S100A10: variants seen among roughly 807,000 people sequenced by gnomAD.
S100A10 encodes the protein S100 calcium binding protein A10, also known as protein S100-A10.
Under a neutral mutation model 7.1 loss-of-function variants are expected in S100A10, and 3 were observed. The observed-to-expected ratio is 0.42, with a 90% CI of 0.19 to 1.10. The LOEUF is 1.10. Ranked by LOEUF, S100A10 falls within the 50% of genes least tolerant of loss-of-function variation. S100A10 has a pLI of 0.29. For missense variants in S100A10, 101 were observed against 118.1 expected (o/e 0.86, Z 0.67); for synonymous variants, 41 against 39.3 (o/e 1.04, Z -0.16).
At chr1:151,987,841 T>C (rs1312582283) in intron 1 of S100A10, among the ~76,000 whole-genome samples, 1 of 152,242 alleles carries the variant, frequency 6.6e-6, no homozygotes, top group Non-Finnish European at 1.5e-5. Context: ...ATGTATTCTT[T>C]ACTAAAGCTC....
At chr1:151,990,010 T>C (rs1158111922) in intron 1 of S100A10, among the ~76,000 whole-genome samples, 2 of 152,246 alleles carry the variant, frequency 1.3e-5, no homozygotes, top group Non-Finnish European at 2.9e-5. Context: ...GATTAAGAAC[T>C]ACAAATTATT....
intron 2 of S100A10, among the ~76,000 whole-genome samples, 154 bp from the exon 3 acceptor site, chr1:151,983,478 ATTTT>A (rs200402860): frequency 8.7e-5 from 12 of 137,822 alleles, no homozygotes; most frequent in African/African-American, 3.3e-4. Context: ...ATCTAAATGT[ATTTT>A]TTTTTTTTTT....
At chr1:151,989,180 T>A (rs1655855612) in intron 1 of S100A10, among the ~76,000 whole-genome samples, 1 of 152,180 alleles carries the variant, frequency 6.6e-6, no homozygotes. Flanking sequence ...AGTATCTTCT[T>A]CAGGAGAGCA....
chr1:151,990,688 C>A (rs1035785090), intron 1 of S100A10, among the ~76,000 whole-genome samples: 11 of 152,222 alleles, frequency 7.2e-5, no homozygotes, highest in Non-Finnish European at 1.3e-4. Flanking sequence ...CACACACATA[C>A]ACACATGCAC....
intron 1 of S100A10, among the ~76,000 whole-genome samples, chr1:151,988,248 A>G (rs1471057763): frequency 2.6e-5 from 4 of 152,254 alleles, no homozygotes; most frequent in African/African-American, 9.6e-5. Context: ...GCTTTGGCTA[A>G]TATCACCTAA....
intron 1 of S100A10, among the ~76,000 whole-genome samples, chr1:151,990,905 G>A (rs1465513755): frequency 1.3e-5 from 2 of 152,198 alleles, no homozygotes; most frequent in Admixed American, 6.5e-5. Context: ...TGATAATGAT[G>A]TATTTTGGTT....
At chr1:151,989,294 G>A (rs1227399751) in intron 1 of S100A10, among the ~76,000 whole-genome samples, 2 of 152,072 alleles carry the variant, frequency 1.3e-5, no homozygotes, top group South Asian at 4.2e-4. Context: ...TTCCTTCTCT[G>A]AAGTTACATC....
At chr1:151,991,950 G>C (rs981909735) in intron 1 of S100A10, among the ~76,000 whole-genome samples, 1 of 152,138 alleles carries the variant, frequency 6.6e-6, no homozygotes, top group Non-Finnish European at 1.5e-5. Context: ...CCAGAAAGCA[G>C]GGTAAGACCC....
At chr1:151,990,226 G>T (rs1306552849) in intron 1 of S100A10, among the ~76,000 whole-genome samples, 1 of 152,218 alleles carries the variant, frequency 6.6e-6, no homozygotes. Flanking sequence ...ACAGTAGATA[G>T]AGTACACAGG....
intron 1 of S100A10, among the ~76,000 whole-genome samples, chr1:151,987,027 CTTTTTTTTTTT>C (rs386368314): frequency 6.0e-5 from 5 of 83,548 alleles, no homozygotes; most frequent in Admixed American, 1.8e-4. Flanking sequence ...CAGTGTTCCT[CTTTTTTTTTTT>C]TTTTTTTTTT....
chr1:151,986,942 G>C (rs1655803116), intron 1 of S100A10, among the ~76,000 whole-genome samples: 3 of 151,490 alleles, frequency 2.0e-5, no homozygotes, highest in Admixed American at 2.0e-4. Flanking sequence ...TAAATAAAGG[G>C]GTTTAGCTAA....
chr1:151,987,921 C>G (rs1037206813), intron 1 of S100A10, among the ~76,000 whole-genome samples: 1 of 152,202 alleles, frequency 6.6e-6, no homozygotes, highest in Non-Finnish European at 1.5e-5. Context: ...TCTACCCAAA[C>G]AGAAAACTAC....
intron 1 of S100A10, among the ~76,000 whole-genome samples, chr1:151,991,134 A>T (rs1323713295): frequency 2.6e-5 from 4 of 152,204 alleles, no homozygotes; most frequent in African/African-American, 9.7e-5. Flanking sequence ...GTGTCAGTAA[A>T]AACAAACATC....
intron 2 of S100A10, 98 bp downstream of exon 2, chr1:151,986,001 C>A: frequency 1.0e-6 from 1 of 1,002,496 alleles, no homozygotes; most frequent in African/African-American, 1.7e-5. Flanking sequence ...CTAGTGGTGA[C>A]CTCCACAGGG....
intron 1 of S100A10, among the ~76,000 whole-genome samples, chr1:151,990,417 A>G (rs758190886): frequency 4.6e-5 from 7 of 152,312 alleles, no homozygotes; most frequent in Non-Finnish European, 1.0e-4. Context: ...CAGGATAATA[A>G]CAGCCTTGCT....
intron 1 of S100A10, among the ~76,000 whole-genome samples, chr1:151,989,845 C>T (rs552687737): frequency 6.6e-6 from 1 of 152,334 alleles, no homozygotes; most frequent in East Asian, 1.9e-4. Context: ...TGTGGGCTTC[C>T]TGCATCCTGG....
chr1:151,983,338 G>C lies in S100A10; in HGVS notation c.133-14C>G, dbSNP rs767700851. ...GTCTTTTTGATTCTGAAAAAAAAAA[G>C]AACAAAGGCAAGAAATAGAAGTCAA... is the stretch of plus-strand genomic sequence containing the variant. On this transcript the variant is annotated splice_polypyrimidine_tract_variant and intron_variant, in intron 2 of 2. Transcript: ENST00000368811. The C allele has an allele frequency of 2.7e-6, 4 of 1,482,808 alleles. No homozygotes were observed. The highest frequency in any genetic ancestry group is 3.6e-6 in the Non-Finnish European group (4 of 1,108,784). The allele number at this position is 1,482,808 out of a possible 1,614,324, so 91.9% of individuals were successfully genotyped here.
rs1222802612 is a variant in S100A10 at position 151,982,956 on chromosome 1, A to G, written c.*207T>C. The G allele has an allele frequency of 2.5e-6, 1 of 405,712 alleles. No individual in the cohort carries two copies. The highest frequency in any genetic ancestry group is 4.4e-6 in the Non-Finnish European group (1 of 227,968). The allele number at this position is 405,712 out of a possible 1,614,324, so 25.1% of individuals were successfully genotyped here. On this transcript the variant is annotated 3_prime_UTR_variant, in exon 3 of 3. Transcript: ENST00000368811. The stretch of plus-strand genomic sequence containing the variant: ...AACTTTATTTATTGAGGGCAAGGGG[A>G]TGCAAACAATACAAAAATCAAAAGC...
intron 2 of S100A10, among the ~76,000 whole-genome samples, chr1:151,983,720 G>C (rs952923937): frequency 6.6e-6 from 1 of 152,192 alleles, no homozygotes; most frequent in Non-Finnish European, 1.5e-5. Flanking sequence ...ATGATGCCAT[G>C]GGTTGGTTTT....
Sources: gnomAD v4.1 joint callset for allele counts (sites outside exome capture counted in the v4.1 genomes callset) on GRCh38, gnomAD v4.1.1 for gene constraint, MANE v1.5 for transcripts, NCBI Gene and HGNC (gene_info 2026-07-23, HGNC 2026-07-21) for gene names.